Variants in ANKRD33 observed in about 807,000 individuals in gnomAD.
ANKRD33 encodes the protein photoreceptor ankyrin repeat protein.
ANKRD33 carries 20 observed loss-of-function variants against 20.6 expected under a neutral mutation model. That is an observed-to-expected ratio of 0.97 (90% confidence interval 0.68 to 1.41). The LOEUF is 1.41. Ranked by LOEUF, ANKRD33 falls within the 40% of genes most tolerant of loss-of-function variation. The pLI is 0.00. For missense variants in ANKRD33, 545 were observed against 579.6 expected (o/e 0.94, Z 0.61); for synonymous variants, 246 against 245.0 (o/e 1.00, Z -0.04).
Position 51,891,578 on chromosome 12 carries a change from A to G in ANKRD33, c.*273A>G, listed in dbSNP as rs1016843064. Reference sequence around the variant, plus strand: ...AGCATACTCTACAGTGTATTCTAAAATAAGACTAAGGAAGCTGTTTATATT... The same window carrying G: ...AGCATACTCTACAGTGTATTCTAAAGTAAGACTAAGGAAGCTGTTTATATT... On this transcript the variant is annotated 3_prime_UTR_variant, in exon 5 of 5. Coordinates refer to ENST00000301190, the MANE Select transcript of ANKRD33 (RefSeq NM_182608.4). 4.3e-5 allele frequency: 21 copies of G among 489,390 alleles called. No homozygotes were observed. Among genetic ancestry groups the G allele is most frequent in the Middle Eastern group, 5.3e-4 (1 of 1,890 alleles). 30.3% of individuals were successfully genotyped at this position (489,390 alleles called of 1,614,324 possible). A position where few individuals can be genotyped will look rare whatever the true frequency, so the allele number is the denominator to read the frequency against.
Position 51,889,097 on chromosome 12 carries a change from T to C in ANKRD33, c.427T>C (p.Phe143Leu), listed in dbSNP as rs1334934473. Reference sequence around the variant, plus strand: ...CCTCATGGTCGCATGCTACCACGGCTTCCAGAGTGTTGTGGCCCTGCTCAG... The same window carrying C: ...CCTCATGGTCGCATGCTACCACGGCCTCCAGAGTGTTGTGGCCCTGCTCAG... ...TGLMVACYHG[F>L]QSVVALLSHC... Residue 143 changes from phenylalanine to leucine, a missense_variant, in exon 3 of 5, where the codon TTC (phenylalanine) becomes CTC (leucine). By Grantham distance (22) the Phe-to-Leu change is conservative. Coordinates refer to ENST00000301190, the MANE Select transcript of ANKRD33 (RefSeq NM_182608.4). 6 of 1,614,192 alleles carry C rather than the reference T, an allele frequency of 3.7e-6. No individual in the cohort carries two copies. The highest frequency in any genetic ancestry group is 3.3e-5 in the South Asian group (3 of 91,086).
chr12:51,888,191 A>C lies in ANKRD33; in HGVS notation c.5A>C (p.Lys2Thr). Reference protein sequence around the residue: MKVQPSVTCVAS... With the variant: MTVQPSVTCVAS... ...AGGTGTTTGCAGCAGCTCTTTATGA[A>C]AGTCCAGCCATCTGTTACCTGCGTT... Residue 2 changes from lysine to threonine, a missense_variant, in exon 1 of 5, where the codon AAA becomes ACA. Transcript: ENST00000301190. 1 of 1,613,894 alleles carries C rather than the reference A, an allele frequency of 6.2e-7. No individual in the cohort carries two copies. Among genetic ancestry groups the C allele is most frequent in the Non-Finnish European group, 8.5e-7 (1 of 1,179,926 alleles).
At chr12:51,888,896 G>A in intron 2 of ANKRD33, 78 bp downstream of exon 2, 2 of 1,597,750 alleles carry the variant, frequency 1.3e-6, no homozygotes, top group Non-Finnish European at 1.7e-6. Flanking sequence ...GGCTCCCTGA[G>A]AGGGGTTCAG....
Position 51,888,263 on chromosome 12 carries a change from T to A in ANKRD33, c.77T>A (p.Val26Glu), listed in dbSNP as rs140489571. 6.2e-7 allele frequency: 1 copy of A among 1,614,166 alleles called. No individual in the cohort carries two copies. The highest frequency in any genetic ancestry group is 8.5e-7 in the Non-Finnish European group (1 of 1,180,022). The change falls in exon 1 of 5, where the codon GTG becomes GAG. Residue 26 changes from valine (V) to glutamate (E), a missense_variant. Transcript: ENST00000301190. ...CACCTGGAGGCATTCGGAGACCCAG[T>A]GATTGTGCTCCGCGGAGCCTGGGCT... is the stretch of plus-strand genomic sequence containing the variant. ...IVHLEAFGDP[V>E]IVLRGAWAVP... is the part of the protein sequence containing the mutation.
In ANKRD33 at chr12:51,890,832, G is replaced by T. The variant is rs1434122956; in HGVS notation, c.886G>T (p.Ala296Ser). The change falls in exon 5 of 5, where the codon GCC becomes TCC. Residue 296 changes from alanine to serine, a missense_variant. Physicochemically the swap from Ala to Ser is moderately conservative, Grantham distance 99 (BLOSUM62 1). Coordinates refer to ENST00000301190, the MANE Select transcript of ANKRD33 (RefSeq NM_182608.4). ...GCAGGCTACCTTGAGCCTCCCCTTT[G>T]CCCCGTCTCCTCAGGAGGGGGGTGT... is the stretch of plus-strand genomic sequence containing the variant. ...RLQATLSLPF[A>S]PSPQEGGVLD... is the part of the protein sequence containing the mutation. 1 of 1,611,544 alleles carries T rather than the reference G, an allele frequency of 6.2e-7. No individual in the cohort carries two copies. Among genetic ancestry groups the T allele is most frequent in the African/African-American group, 1.3e-5 (1 of 75,036 alleles).
intron 4 of ANKRD33, chr12:51,890,213 G>A: frequency 7.4e-6 from 3 of 403,800 alleles, no homozygotes; most frequent in Non-Finnish European, 1.4e-5. Context: ...GAGAAGAGAA[G>A]AACCAGGAGA....
Position 51,888,831 on chromosome 12 carries a change from G to A in ANKRD33, c.396+13G>A, listed in dbSNP as rs1416258686. 33 of 1,611,938 alleles carry A rather than the reference G, an allele frequency of 2.0e-5. No homozygotes were observed. The highest frequency in any genetic ancestry group is 2.8e-5 in the Non-Finnish European group (33 of 1,179,834). On this transcript the variant is annotated intron_variant, in intron 2 of 4. Coordinates refer to ENST00000301190, the MANE Select transcript of ANKRD33 (RefSeq NM_182608.4). The stretch of plus-strand genomic sequence containing the variant: ...CAGCAATGGGAGGGTGAGATGTCCT[G>A]GCTTCCCAGAACAGCTGGGGGCATC...
Position 51,890,730 on chromosome 12 carries a change from G to A in ANKRD33, c.784G>A (p.Glu262Lys), listed in dbSNP as rs370141005. 31 of 1,603,970 alleles carry A rather than the reference G, an allele frequency of 1.9e-5. No homozygotes were observed. The highest frequency in any genetic ancestry group is 1.8e-4 in the Admixed American group (11 of 59,990). The change falls in exon 5 of 5, where the codon GAG becomes AAG. Residue 262 changes from glutamate (E) to lysine (K), a missense_variant. Transcript: ENST00000301190. Reference protein sequence around the residue: ...VEQLSQHYKPEWPALSGLVAQ... With the variant: ...VEQLSQHYKPKWPALSGLVAQ... Reference sequence around the variant, plus strand: ...GCAGCTTAGCCAGCACTACAAGCCCGAGTGGCCGGCCTTGTCCGGGCTCGT... The same window carrying A: ...GCAGCTTAGCCAGCACTACAAGCCCAAGTGGCCGGCCTTGTCCGGGCTCGT...
chr12:51,888,593 T>C lies in ANKRD33; in HGVS notation c.171T>C (p.Thr57=). 1 of 1,560,256 alleles carries C rather than the reference T, an allele frequency of 6.4e-7. No individual in the cohort carries two copies. Among genetic ancestry groups the C allele is most frequent in the Non-Finnish European group, 8.7e-7 (1 of 1,155,266 alleles). ...ATGCCAGCTGCATGAGAAAAGGGAC[T>C]CACCTTCTGGTTCCCTGCCTGGAAG... ...TPNASCMRKG[T]HLLVPCLEEE... Residue 57 remains threonine, a synonymous_variant, in exon 2 of 5, where the codon ACT becomes ACC. Coordinates refer to ENST00000301190, the MANE Select transcript of ANKRD33 (RefSeq NM_182608.4).
Position 51,889,089 on chromosome 12 carries a change from A to T in ANKRD33, c.419A>T (p.Tyr140Phe), listed in dbSNP as rs697636. The T allele has an allele frequency of 0.33, 539,655 of 1,613,934 alleles. 93,587 individuals carry two copies. The highest frequency in any genetic ancestry group is 0.45 in the East Asian group (20,386 of 44,862). The part of the protein sequence containing the change: ...NGRTGLMVAC[Y>F]HGFQSVVALL... ...CAGACAGGCCTCATGGTCGCATGCT[A>T]CCACGGCTTCCAGAGTGTTGTGGCC... Residue 140 changes from tyrosine (Y) to phenylalanine (F), a missense_variant, in exon 3 of 5, where the codon TAC (tyrosine) becomes TTC (phenylalanine). By Grantham distance (22) the Tyr-to-Phe change is conservative. Transcript: ENST00000301190.
At position 51,888,680 on chromosome 12, in the gene ANKRD33, C is replaced by T. The variant is rs1349550933; in HGVS notation, c.258C>T (p.Gly86=). The T allele has an allele frequency of 6.2e-7, 1 of 1,612,420 alleles. No homozygotes were observed. The highest frequency in any genetic ancestry group is 8.5e-7 in the Non-Finnish European group (1 of 1,179,210). Residue 86 remains glycine, a synonymous_variant, in exon 2 of 5, where the codon GGC becomes GGT. Coordinates refer to ENST00000301190, the MANE Select transcript of ANKRD33 (RefSeq NM_182608.4). ...TGTCTGAGGCACTGCCCTGCCCGGG[C>T]AAGGAGACCCCCACCCCAGGCTGCA... is the stretch of plus-strand genomic sequence containing the variant. ...LDMSEALPCP[G]KETPTPGCRL...
Position 51,891,006 on chromosome 12 carries a change from CT to C in ANKRD33, c.1061del (p.Leu354ArgfsTer27), listed in dbSNP as rs766982904. ...ELLGTAPPPP[L>X]VPQSPPGSPQ... Reference sequence around the variant, plus strand: ...GTTAGGTACTGCCCCGCCCCCTCCCCTGGTTCCCCAGTCCCCGCCAGGGAGT... The same window carrying C: ...GTTAGGTACTGCCCCGCCCCCTCCCCGGTTCCCCAGTCCCCGCCAGGGAGT... On this transcript the variant is annotated frameshift_variant, in exon 5 of 5. Transcript: ENST00000301190. LOFTEE classifies it low-confidence loss of function (END_TRUNC). 3.7e-6 allele frequency: 6 copies of C among 1,613,710 alleles called. No homozygotes were observed. Among genetic ancestry groups the C allele is most frequent in the Non-Finnish European group, 5.1e-6 (6 of 1,179,980 alleles).
chr12:51,889,748 G>A (rs986817572), intron 4 of ANKRD33: 2 of 614,372 alleles, frequency 3.3e-6, no homozygotes, highest in Non-Finnish European at 2.7e-6. Flanking sequence ...AAGTGTGGGA[G>A]GGGAACCTAG....
chr12:51,888,174 G>A lies in ANKRD33; in HGVS notation c.-13G>A. Reference sequence around the variant, plus strand: ...GATCCGGCTCAGCCCCGAGGTGTTTGCAGCAGCTCTTTATGAAAGTCCAGC... The same window carrying A: ...GATCCGGCTCAGCCCCGAGGTGTTTACAGCAGCTCTTTATGAAAGTCCAGC... On this transcript the variant is annotated 5_prime_UTR_variant, in exon 1 of 5. Coordinates refer to ENST00000301190, the MANE Select transcript of ANKRD33 (RefSeq NM_182608.4). The A allele has an allele frequency of 6.2e-7, 1 of 1,613,408 alleles. No homozygotes were observed. The highest frequency in any genetic ancestry group is 2.2e-5 in the East Asian group (1 of 44,870).
chr12:51,889,431 C>G lies in ANKRD33; in HGVS notation c.586C>G (p.Arg196Gly). ...CTATGTGGGCCTGGACCTGGAACGC[C>G]GGGACCAGCGGGGGCTCACGGCGTT... ...NYYVGLDLER[R>G]DQRGLTALMK... The change falls in exon 4 of 5, where the codon CGG becomes GGG. Residue 196 changes from arginine (R) to glycine (G), a missense_variant. Arg to Gly is a moderately radical substitution (Grantham distance 125, BLOSUM62 -2). Coordinates refer to ENST00000301190, the MANE Select transcript of ANKRD33 (RefSeq NM_182608.4). 3.7e-6 allele frequency: 6 copies of G among 1,614,040 alleles called. No homozygotes were observed. The highest frequency in any genetic ancestry group is 5.1e-6 in the Non-Finnish European group (6 of 1,179,990).
Position 51,888,843 on chromosome 12 carries a change from C to T in ANKRD33, c.396+25C>T, listed in dbSNP as rs759219721. ...GGTGAGATGTCCTGGCTTCCCAGAA[C>T]AGCTGGGGGCATCTTTGCATCCCCA... On this transcript the variant is annotated intron_variant, in intron 2 of 4. Transcript: ENST00000301190. The T allele has an allele frequency of 5.6e-6, 9 of 1,610,286 alleles. No individual in the cohort carries two copies. The Admixed American group carries it at 1.5e-4, about 27-fold the overall frequency.
rs370156183 is a variant in ANKRD33, at chr12:51,890,553, G to A, written c.638-31G>A. The A allele has an allele frequency of 9.3e-5, 149 of 1,595,914 alleles. No individual in the cohort carries two copies. The African/African-American group carries it at 1.0e-3, about 11-fold the overall frequency. ...TCCACAAATCACCAACCCCTATCCC[G>A]CCCCATGTCACCCCCTGTGCTCCTT... On this transcript the variant is annotated intron_variant, in intron 4 of 4. Transcript: ENST00000301190.
Position 51,891,666 on chromosome 12 carries a change from A to T in ANKRD33, c.*361A>T, listed in dbSNP as rs1311197205. The T allele has an allele frequency of 4.5e-6, 1 of 222,622 alleles. No homozygotes were observed. The highest frequency in any genetic ancestry group is 8.9e-6 in the Non-Finnish European group (1 of 112,306). 13.8% of individuals were successfully genotyped at this position (222,622 alleles called of 1,614,324 possible). ...ATAACTAAGGAGTGGAACAGTGTAT[A>T]TGGCATATTATTATTTGTCGAAGTA... On this transcript the variant is annotated 3_prime_UTR_variant, in exon 5 of 5. Transcript: ENST00000301190.
chr12:51,891,367 C>A lies in ANKRD33; in HGVS notation c.*62C>A. 1 of 1,555,452 alleles carries A rather than the reference C, an allele frequency of 6.4e-7. No individual in the cohort carries two copies. The highest frequency in any genetic ancestry group is 1.2e-5 in the South Asian group (1 of 84,256). The stretch of plus-strand genomic sequence containing the variant: ...CAGGCCCCTCCCAGGGCTTCTTTCC[C>A]CTCTGGAGTGCCTCCGGCCTCCCCA... On this transcript the variant is annotated 3_prime_UTR_variant, in exon 5 of 5. Coordinates refer to ENST00000301190, the MANE Select transcript of ANKRD33 (RefSeq NM_182608.4).
Sources: allele counts gnomAD v4.1 joint callset, GRCh38; gene constraint gnomAD v4.1.1; transcripts MANE v1.5; gene names NCBI Gene and HGNC (gene_info 2026-07-23, HGNC 2026-07-21).